Variants in CCDC30 observed in about 807,000 individuals in gnomAD.
The protein encoded by CCDC30 is coiled-coil domain containing 30.
In CCDC30, 70 loss-of-function variants were observed where a neutral mutation model predicts 100.2. That is an observed-to-expected ratio of 0.70 (90% CI 0.58 to 0.85). CCDC30 has a LOEUF of 0.85. Ranked by LOEUF, CCDC30 falls within the 40% of genes least tolerant of loss-of-function variation. CCDC30 has a pLI of 0.00. For synonymous variants in CCDC30, 233 were observed against 269.5 expected (o/e 0.86, Z 1.33); for missense variants, 652 against 771.2 (o/e 0.85, Z 1.83).
chr1:42,537,895 G>C (rs1194901200), intron 6 of CCDC30: 1 of 153,292 alleles, frequency 6.5e-6, no homozygotes, highest in East Asian at 1.9e-4. Context: ...CTTGAACCCA[G>C]GAGGCAGAGA....
intron 10 of CCDC30, among the ~76,000 whole-genome samples, chr1:42,607,497 T>A (rs1228787766): frequency 1.4e-5 from 2 of 146,362 alleles, no homozygotes; most frequent in Non-Finnish European, 3.0e-5. Flanking sequence ...GGCAGGAGGA[T>A]CACTTGAGGC....
At chr1:42,494,509 T>G (rs1644198649) in intron 4 of CCDC30, among the ~76,000 whole-genome samples, 1 of 152,018 alleles carries the variant, frequency 6.6e-6, no homozygotes, top group African/African-American at 2.4e-5. Context: ...ACAAATGGGA[T>G]CTAATTAAAC....
intron 6 of CCDC30, among the ~76,000 whole-genome samples, chr1:42,510,957 A>C (rs1209308845): frequency 1.3e-5 from 2 of 152,052 alleles, no homozygotes; most frequent in African/African-American, 2.4e-5. Context: ...TTTTCTTCAA[A>C]GTCTCAGGGT....
intron 6 of CCDC30, chr1:42,545,567 C>G: frequency 1.2e-6 from 2 of 1,601,568 alleles, no homozygotes; most frequent in African/African-American, 1.4e-5. Context: ...AAGGAAGAGA[C>G]AGAGGAACTC....
intron 6 of CCDC30, among the ~76,000 whole-genome samples, chr1:42,514,353 T>A (rs901757390): frequency 6.6e-6 from 1 of 152,208 alleles, no homozygotes; most frequent in African/African-American, 2.4e-5. Flanking sequence ...CTATTTTACA[T>A]CTCATCAGCA....
intron 7 of CCDC30, among the ~76,000 whole-genome samples, chr1:42,572,071 G>A (rs1248724682): frequency 6.6e-6 from 1 of 152,188 alleles, no homozygotes; most frequent in Non-Finnish European, 1.5e-5. Context: ...GAGATTGGGA[G>A]TGGAATTATT....
chr1:42,499,453 C>G (rs1248679144), intron 6 of CCDC30, among the ~76,000 whole-genome samples: 1 of 151,944 alleles, frequency 6.6e-6, no homozygotes, highest in Non-Finnish European at 1.5e-5. Flanking sequence ...GGTCTGCATT[C>G]TTAAAAAATT....
intron 12 of CCDC30, among the ~76,000 whole-genome samples, chr1:42,640,553 ATAGC>A (rs1450428055): frequency 6.6e-6 from 1 of 152,180 alleles, no homozygotes; most frequent in Non-Finnish European, 1.5e-5. Context: ...AAAATCTGGA[ATAGC>A]TTTTTCGGAA....
chr1:42,588,102 T>C (rs950643069), intron 9 of CCDC30, among the ~76,000 whole-genome samples: 4 of 152,204 alleles, frequency 2.6e-5, no homozygotes, highest in Non-Finnish European at 4.4e-5. Context: ...TCATTTTCTG[T>C]ATGCTACGAT....
Position 42,581,614 on chromosome 1 carries a change from C to T in CCDC30, c.1001+100C>T. 3 of 1,094,012 alleles carry T rather than the reference C, an allele frequency of 2.7e-6. No homozygotes were observed. In the East Asian group the frequency reaches 7.9e-5, roughly 29 times the overall value. The allele number at this position is 1,094,012 out of a possible 1,614,324, so 67.8% of individuals were successfully genotyped here. A position where few individuals can be genotyped will look rare whatever the true frequency, so the allele number is the denominator to read the frequency against. ...AACAGAATATCAGAGAGTATTTCTG[C>T]TCTGTCCCCACTGAAGTAAACTCAG... On this transcript the variant is annotated intron_variant, in intron 9 of 16. Transcript: ENST00000668663.
chr1:42,494,434 C>T (rs1644196820), intron 4 of CCDC30, among the ~76,000 whole-genome samples: 1 of 152,138 alleles, frequency 6.6e-6, no homozygotes, highest in African/African-American at 2.4e-5. Flanking sequence ...CCATTCAGGA[C>T]ATAGGCATGG....
chr1:42,466,530 GT>G (rs1295809222), intron 1 of CCDC30, among the ~76,000 whole-genome samples: 2 of 150,142 alleles, frequency 1.3e-5, no homozygotes, highest in Non-Finnish European at 1.5e-5. Context: ...GGACAGAATA[GT>G]TTTTTTGTTG....
chr1:42,456,413 G>C, the CCDC30 span: 9 of 839,684 alleles, frequency 1.1e-5, no homozygotes, highest in Middle Eastern at 3.6e-4. Flanking sequence ...GAACAACTAC[G>C]CATTTCCAGA....
At chr1:42,464,792 A>C (rs1253895672) in intron 1 of CCDC30, among the ~76,000 whole-genome samples, 1 of 152,238 alleles carries the variant, frequency 6.6e-6, no homozygotes. Flanking sequence ...TACAGAACAT[A>C]CACATTTTAA....
exon 10 of CCDC30, chr1:42,589,340 G>A (rs145632548): frequency 1.1e-4 from 177 of 1,608,586 alleles, no homozygotes; most frequent in East Asian, 8.9e-4. Context: ...ATATCAGAAC[G>A]TAGATGAGTT....
At chr1:42,547,157 G>A (rs1010892287) in intron 6 of CCDC30, among the ~76,000 whole-genome samples, 1 of 152,158 alleles carries the variant, frequency 6.6e-6, no homozygotes, top group African/African-American at 2.4e-5. Flanking sequence ...TTGGAGTGAC[G>A]ATGGGGAAGG....
chr1:42,579,388 C>A (rs1645912891), intron 8 of CCDC30, among the ~76,000 whole-genome samples: 1 of 151,114 alleles, frequency 6.6e-6, no homozygotes, highest in Non-Finnish European at 1.5e-5. Context: ...AATCCCAGCA[C>A]TTTGGGAGGC....
chr1:42,531,419 T>G (rs959059727), intron 6 of CCDC30, among the ~76,000 whole-genome samples: 1 of 152,252 alleles, frequency 6.6e-6, no homozygotes, highest in Non-Finnish European at 1.5e-5. Flanking sequence ...CTGGTTAACT[T>G]CATATGTCAA....
chr1:42,495,552 A>G (rs1349813005), intron 4 of CCDC30, among the ~76,000 whole-genome samples: 1 of 151,034 alleles, frequency 6.6e-6, no homozygotes, highest in African/African-American at 2.4e-5. Context: ...AAAATTAGCC[A>G]GGTTTGGTGG....
Sources: allele counts gnomAD v4.1 joint callset (sites outside exome capture counted in the v4.1 genomes callset), GRCh38; gene constraint gnomAD v4.1.1; transcripts MANE v1.5; gene names NCBI Gene and HGNC (gene_info 2026-07-23, HGNC 2026-07-21).